The following RBMS1 variants were observed in gnomAD, a reference collection of about 807,000 sequenced individuals.
RBMS1 encodes RNA-binding motif, single-stranded-interacting protein 1.
Under a neutral mutation model 62.3 loss-of-function variants are expected in RBMS1, and 17 were observed. The ratio of observed to expected loss-of-function variants is 0.27; its 90% CI spans 0.19 to 0.41. The LOEUF (loss-of-function observed/expected upper bound fraction) is 0.41. Among genes scored for constraint, RBMS1 ranks in the 10% least tolerant of loss-of-function variants. The pLI, the probability that RBMS1 is intolerant of heterozygous loss-of-function variation, is 1.00. For missense variants in RBMS1, 334 were observed against 504.5 expected, an observed-to-expected ratio of 0.66 and a Z score of 3.24; for synonymous variants, 172 against 170.0, an observed-to-expected ratio of 1.01 and a Z score of -0.09.
At chr2:160,413,736 T>C (rs1696113471) in intron 1 of RBMS1, among the ~76,000 whole-genome samples, 1 of 152,216 alleles carries the variant, frequency 6.6e-6, no homozygotes, top group Non-Finnish European at 1.5e-5. Context: ...ATAATAGCTG[T>C]CATTTATTGA....
At chr2:160,297,148 T>C (rs1488771284) in intron 6 of RBMS1, among the ~76,000 whole-genome samples, 1 of 152,186 alleles carries the variant, frequency 6.6e-6, no homozygotes, top group Non-Finnish European at 1.5e-5. Flanking sequence ...GATTGGGAAG[T>C]AGAATTACAG....
intron 6 of RBMS1, among the ~76,000 whole-genome samples, chr2:160,297,572 T>C (rs915649406): frequency 2.0e-5 from 3 of 152,260 alleles, no homozygotes; most frequent in South Asian, 2.1e-4. Context: ...CATGTAAACA[T>C]GTTAAGTGCC....
At position 160,311,210 on chromosome 2, in the gene RBMS1, A is replaced by ATCTCTCTCTCTCTCTCTCTCTCTCTCTC. The variant is rs1361792296; in HGVS notation, c.402+1945_402+1946insGAGAGAGAGAGAGAGAGAGAGAGAGAGA. 8.8e-5 allele frequency among the ~76,000 whole-genome samples: 5 copies of ATCTCTCTCTCTCTCTCTCTCTCTCTCTC among 56,604 alleles called. 1 individual carries two copies. The highest frequency in any genetic ancestry group is 1.8e-4 in the Non-Finnish European group (5 of 27,232). 37.1% of individuals were successfully genotyped at this position (56,604 alleles called of 152,430 possible). On this transcript the variant is annotated intron_variant, in intron 4 of 13. Coordinates refer to ENST00000348849, the MANE Select transcript of RBMS1 (RefSeq NM_016836.4). ...ACCCTGTCTCCAAAAAAAAAAAAAA[A>ATCTCTCTCTCTCTCTCTCTCTCTCTCTC]TCTATCTATCTATCTATCTATCTAT...
chr2:160,390,720 A>T (rs907059546), intron 1 of RBMS1, among the ~76,000 whole-genome samples: 3 of 151,096 alleles, frequency 2.0e-5, no homozygotes, highest in African/African-American at 7.3e-5. Flanking sequence ...GCAACGAGGA[A>T]CTTTTGGCTG....
rs13386924 is a variant in RBMS1, at chr2:160,434,523, A to T, written c.75+58766T>A. On this transcript the variant is annotated intron_variant, in intron 1 of 13. Transcript: ENST00000348849. Reference sequence around the variant, plus strand: ...AAAAACAGCAACGCACAGGTTAGAAAGAAGTCTCTAACAGTGCTATCCATT... The same window carrying T: ...AAAAACAGCAACGCACAGGTTAGAATGAAGTCTCTAACAGTGCTATCCATT... 3.5e-3 allele frequency among the ~76,000 whole-genome samples: 537 copies of T among 152,250 alleles called. 7 individuals are homozygous for T. Among genetic ancestry groups the T allele is most frequent in the African/African-American group, 0.012 (519 of 41,566 alleles).
chr2:160,290,224 G>A (rs1688610339), intron 6 of RBMS1, among the ~76,000 whole-genome samples: 2 of 150,450 alleles, frequency 1.3e-5, no homozygotes, highest in South Asian at 4.4e-4. Flanking sequence ...TTGTTCTATA[G>A]AGCGTACCTT....
intron 1 of RBMS1, among the ~76,000 whole-genome samples, chr2:160,458,308 G>A (rs1407359881): frequency 6.6e-6 from 1 of 152,028 alleles, no homozygotes; most frequent in Non-Finnish European, 1.5e-5. Context: ...AACTTGCCAC[G>A]GAAACTATTT....
chr2:160,390,665 C>T (rs1389421944), intron 1 of RBMS1, among the ~76,000 whole-genome samples: 1 of 137,902 alleles, frequency 7.3e-6, no homozygotes, highest in Non-Finnish European at 1.5e-5. Flanking sequence ...CACTGCACTC[C>T]AGCCTGGGCT....
intron 1 of RBMS1, among the ~76,000 whole-genome samples, chr2:160,484,076 C>A (rs1418593641): frequency 6.7e-6 from 1 of 150,148 alleles, no homozygotes. Context: ...TGGCTTCAAG[C>A]AATCCTCCCC....
chr2:160,285,573 A>C (rs2105935497), intron 7 of RBMS1, among the ~76,000 whole-genome samples: 1 of 152,202 alleles, frequency 6.6e-6, no homozygotes, highest in East Asian at 1.9e-4. Context: ...TAAAATAATA[A>C]TTCATGGAAA....
intron 1 of RBMS1, among the ~76,000 whole-genome samples, chr2:160,450,951 T>G (rs115247142): frequency 0.039 from 5,991 of 152,188 alleles, 362 homozygotes; most frequent in African/African-American, 0.13. Context: ...GGCAGGAGGA[T>G]CACTTGAGGC....
intron 1 of RBMS1, among the ~76,000 whole-genome samples, chr2:160,434,523 A>G (rs13386924): frequency 6.6e-6 from 1 of 152,134 alleles, no homozygotes; most frequent in African/African-American, 2.4e-5. Context: ...CAGGTTAGAA[A>G]GAAGTCTCTA....
At chr2:160,316,574 G>C (rs1005229361) in intron 3 of RBMS1, among the ~76,000 whole-genome samples, 8 of 152,162 alleles carry the variant, frequency 5.3e-5, no homozygotes, top group Non-Finnish European at 7.3e-5. Context: ...ACCTTTTCTA[G>C]ATCACGTAGA....
In RBMS1 at chr2:160,318,164, C is replaced by CA; in HGVS notation, c.310+4dup. ...TTTACCAAATAACCAGCCAAGAAAA[C>CA]ATACCTTTGCATTTGTTCGTTGTCT... On this transcript the variant is annotated splice_donor_region_variant and intron_variant, in intron 3 of 13. Coordinates refer to ENST00000348849, the MANE Select transcript of RBMS1 (RefSeq NM_016836.4). 1 of 1,441,262 alleles carries CA rather than the reference C, an allele frequency of 6.9e-7. No individual in the cohort carries two copies. The highest frequency in any genetic ancestry group is 9.2e-7 in the Non-Finnish European group (1 of 1,083,546). The allele number at this position is 1,441,262 out of a possible 1,614,324, so 89.3% of individuals were successfully genotyped here. A position where few individuals can be genotyped will look rare whatever the true frequency, so the allele number is the denominator to read the frequency against.
intron 6 of RBMS1, among the ~76,000 whole-genome samples, chr2:160,298,697 T>C (rs1689063839): frequency 6.6e-6 from 1 of 152,044 alleles, no homozygotes; most frequent in African/African-American, 2.4e-5. Context: ...CCAGATGGGG[T>C]AATCAGGAAT....
intron 4 of RBMS1, among the ~76,000 whole-genome samples, chr2:160,309,039 G>C (rs1689707034): frequency 6.6e-6 from 1 of 152,112 alleles, no homozygotes; most frequent in South Asian, 2.1e-4. Flanking sequence ...TCTGTTTAAG[G>C]GGAGACCACA....
At chr2:160,410,940 C>A (rs979921820) in intron 1 of RBMS1, among the ~76,000 whole-genome samples, 1 of 152,204 alleles carries the variant, frequency 6.6e-6, no homozygotes, top group African/African-American at 2.4e-5. Context: ...GATGATGTTT[C>A]ACCATGTTGG....
intron 2 of RBMS1, among the ~76,000 whole-genome samples, chr2:160,340,532 T>A (rs1479158169): frequency 2.6e-5 from 4 of 151,966 alleles, no homozygotes; most frequent in Middle Eastern, 3.4e-3. Context: ...CAATAGAAAT[T>A]ATAGGGGGCT....
intron 1 of RBMS1, among the ~76,000 whole-genome samples, chr2:160,470,883 T>G (rs1684887888): frequency 6.6e-6 from 1 of 152,182 alleles, no homozygotes; most frequent in African/African-American, 2.4e-5. Flanking sequence ...TGCCTTCAGT[T>G]CCAAGAATGG....
Sources: allele counts gnomAD v4.1 joint callset (sites outside exome capture counted in the v4.1 genomes callset), GRCh38; gene constraint gnomAD v4.1.1; transcripts MANE v1.5; gene names NCBI Gene and HGNC (gene_info 2026-07-23, HGNC 2026-07-21).